Variants in LRPAP1 observed in about 807,000 individuals in gnomAD.
The protein encoded by LRPAP1 is alpha-2-macroglobulin receptor-associated protein.
Under a neutral mutation model 39.9 loss-of-function variants are expected in LRPAP1, and 41 were observed. The ratio of observed to expected loss-of-function variants is 1.03; its 90% CI spans 0.80 to 1.33. The LOEUF is 1.33. Ranked by LOEUF, LRPAP1 falls within the 40% of genes most tolerant of loss-of-function variation. The probability of loss-of-function intolerance (pLI) is 0.00; values close to 1 mark genes in which losing one functional copy is unlikely to be tolerated. For synonymous variants in LRPAP1, 263 were observed against 212.7 expected (o/e 1.24, Z -2.06); for missense variants, 565 against 482.3 (o/e 1.17, Z -1.61).
rs531943159 is a variant in LRPAP1 at position 3,505,719 on chromosome 4, C to G, written c.*7255G>C. ...ACCCCAAGACCGTCTATACCAGCTA[C>G]GCCAAGACCGTCTATACCAGCTACC... On this transcript the variant is annotated 3_prime_UTR_variant, in exon 8 of 8. Coordinates refer to ENST00000650182, the MANE Select transcript of LRPAP1 (RefSeq NM_002337.4). 6.6e-6 allele frequency among the ~76,000 whole-genome samples: 1 copy of G among 152,198 alleles called. No homozygotes were observed. Among genetic ancestry groups the G allele is most frequent in the African/African-American group, 2.4e-5 (1 of 41,472 alleles).
intron 5 of LRPAP1, 77 bp from the exon 6 acceptor site, chr4:3,516,275 A>T: frequency 8.8e-7 from 1 of 1,132,184 alleles, no homozygotes. Context: ...AACCACGCTG[A>T]GTGTGCGTGG....
At chr4:3,522,523 C>T (rs942030115) in intron 2 of LRPAP1, among the ~76,000 whole-genome samples, 1 of 151,506 alleles carries the variant, frequency 6.6e-6, no homozygotes, top group South Asian at 2.1e-4. Context: ...CTGGGGAGGA[C>T]GGACGTCATC....
chr4:3,514,611 G>T, intron 7 of LRPAP1, 141 bp downstream of exon 7: 1 of 1,124,964 alleles, frequency 8.9e-7, no homozygotes, highest in Non-Finnish European at 1.2e-6. Context: ...CACACTTGTG[G>T]CCCTGGGGTT....
rs1729812079 is a variant in LRPAP1 at position 3,518,802 on chromosome 4, A to G, written c.592+69T>C. 4 of 853,210 alleles carry G rather than the reference A, an allele frequency of 4.7e-6. No homozygotes were observed. In the Admixed American group the frequency reaches 1.0e-4, roughly 22 times the overall value. 52.9% of individuals were successfully genotyped at this position (853,210 alleles called of 1,614,324 possible). ...CTGCCCACTGAGCACAACGAGCCTC[A>G]GGTGCAGGAGGGGTGGGGGGCAGGA... On this transcript the variant is annotated intron_variant, in intron 4 of 7. Transcript: ENST00000650182.
At chr4:3,519,461 C>T (rs1415398835) in intron 3 of LRPAP1, among the ~76,000 whole-genome samples, 5 of 152,220 alleles carry the variant, frequency 3.3e-5, no homozygotes, top group South Asian at 4.1e-4. Context: ...CCCCTTCTAC[C>T]GACTCCATCT....
intron 1 of LRPAP1, among the ~76,000 whole-genome samples, chr4:3,530,810 G>C (rs1345415292): frequency 1.3e-5 from 2 of 152,214 alleles, no homozygotes; most frequent in Non-Finnish European, 2.9e-5. Context: ...GCCCTGCAGA[G>C]CAGGTGGAAG....
At chr4:3,526,388 T>G (rs1730079218) in intron 1 of LRPAP1, among the ~76,000 whole-genome samples, 1 of 152,254 alleles carries the variant, frequency 6.6e-6, no homozygotes, top group South Asian at 2.1e-4. Flanking sequence ...CTGTTTTCCC[T>G]TAGACGTTTG....
intron 5 of LRPAP1, among the ~76,000 whole-genome samples, chr4:3,517,158 T>A (rs1577205439): frequency 1.3e-5 from 2 of 151,872 alleles, no homozygotes; most frequent in South Asian, 4.2e-4. Context: ...GGAGCCTGGG[T>A]TTGGGGGTGG....
rs1053884111 is a variant in LRPAP1 at position 3,508,796 on chromosome 4, G to C, written c.*4178C>G. 1 of 152,198 alleles carries C rather than the reference G, an allele frequency of 6.6e-6. No homozygotes were observed. The highest frequency in any genetic ancestry group is 1.5e-5 in the Non-Finnish European group (1 of 68,034). The allele number at this position is 152,198 out of a possible 1,614,324, so 9.4% of individuals were successfully genotyped here. A position where few individuals can be genotyped will look rare whatever the true frequency, so the allele number is the denominator to read the frequency against. ...AATGAGGAAGCTCTTCTGCCTGTAA[G>C]TGCACCAGTGCAAACCCAACACTGA... On this transcript the variant is annotated 3_prime_UTR_variant, in exon 8 of 8. Coordinates refer to ENST00000650182, the MANE Select transcript of LRPAP1 (RefSeq NM_002337.4).
rs1400208710 is a variant in LRPAP1, at chr4:3,504,763, A to C, written c.*8211T>G. On this transcript the variant is annotated 3_prime_UTR_variant, in exon 8 of 8. Coordinates refer to ENST00000650182, the MANE Select transcript of LRPAP1 (RefSeq NM_002337.4). ...TCCATCTCAAAAAAAAAAAAAAAAA[A>C]ACCAAAAAACAAAACACACACACAC... Among the ~76,000 whole-genome samples the C allele has an allele frequency of 2.0e-5, 3 of 150,744 alleles. No individual in the cohort carries two copies. Among genetic ancestry groups the C allele is most frequent in the Admixed American group, 6.6e-5 (1 of 15,130 alleles).
intron 4 of LRPAP1, 145 bp from the exon 5 acceptor site, chr4:3,518,337 G>T: frequency 2.2e-6 from 2 of 890,034 alleles, no homozygotes; most frequent in African/African-American, 1.7e-5. Flanking sequence ...GTCCTGCAGC[G>T]CCGCAGAAAC....
At chr4:3,519,013 G>C in intron 3 of LRPAP1, 22 bp from the exon 4 acceptor site, 2 of 1,609,166 alleles carry the variant, frequency 1.2e-6, no homozygotes, top group South Asian at 1.1e-5. Context: ...ACAAGGCCTG[G>C]AGTGAACCCG....
At chr4:3,523,464 T>G (rs950161306) in intron 2 of LRPAP1, among the ~76,000 whole-genome samples, 1 of 152,180 alleles carries the variant, frequency 6.6e-6, no homozygotes, top group African/African-American at 2.4e-5. Context: ...CCCTCTGTCT[T>G]TAACCCGGGC....
Position 3,518,951 on chromosome 4 carries a change from T to C in LRPAP1, c.512A>G (p.Lys171Arg). The C allele has an allele frequency of 6.2e-7, 1 of 1,614,044 alleles. No individual in the cohort carries two copies. Among genetic ancestry groups the C allele is most frequent in the East Asian group, 2.2e-5 (1 of 44,856 alleles). Reference protein sequence around the residue: ...SGKFSGEELDKLWREFLHHKE... With the variant: ...SGKFSGEELDRLWREFLHHKE... ...GTGATGCAGGAACTCCCGCCAGAGC[T>C]TGTCCAGTTCTTCGCCGGAGAATTT... Residue 171 changes from lysine to arginine, a missense_variant, in exon 4 of 8, where the codon AAG (lysine) becomes AGG (arginine). By Grantham distance (26) the Lys-to-Arg change is conservative (BLOSUM62 2). Transcript: ENST00000650182.
chr4:3,523,761 TGAAA>T (rs1729993415), intron 2 of LRPAP1, among the ~76,000 whole-genome samples: 1 of 152,170 alleles, frequency 6.6e-6, no homozygotes, highest in African/African-American at 2.4e-5. Flanking sequence ...TCAGCGCGTG[TGAAA>T]AGCAGGGCTA....
At chr4:3,518,808 A>T in intron 4 of LRPAP1, 63 bp downstream of exon 4, 5 of 807,878 alleles carry the variant, frequency 6.2e-6, no homozygotes, top group Non-Finnish European at 8.2e-6. Flanking sequence ...CCTCAGGTGC[A>T]GGAGGGGTGG....
In LRPAP1 at chr4:3,511,017, C is replaced by A. The variant is rs949904142; in HGVS notation, c.*1957G>T. 1 of 152,308 alleles carries A rather than the reference C, an allele frequency of 6.6e-6. No homozygotes were observed. The highest frequency in any genetic ancestry group is 1.5e-5 in the Non-Finnish European group (1 of 68,056). 9.4% of individuals were successfully genotyped at this position (152,308 alleles called of 1,614,324 possible). The stretch of plus-strand genomic sequence containing the variant: ...CATGGTCTCCCACATACAAAAGAGG[C>A]CATTATACAGTAAGACACGCTACTC... On this transcript the variant is annotated 3_prime_UTR_variant, in exon 8 of 8. Transcript: ENST00000650182.
chr4:3,530,025 C>T (rs1005198080), intron 1 of LRPAP1, among the ~76,000 whole-genome samples: 6 of 152,144 alleles, frequency 3.9e-5, no homozygotes, highest in African/African-American at 1.4e-4. Flanking sequence ...TTCCAGGGGG[C>T]GATCCAAGAC....
rs745815802 is a variant in LRPAP1 at position 3,506,921 on chromosome 4, C to T, written c.*6053G>A. On this transcript the variant is annotated 3_prime_UTR_variant, in exon 8 of 8. Transcript: ENST00000650182. The stretch of plus-strand genomic sequence containing the variant: ...GACTCACACCTAGACCTGGGAATAA[C>T]GCTAAGACCAGGCTGGGTGTGGCGG... 2 of 152,226 alleles carry T rather than the reference C, an allele frequency of 1.3e-5. No individual in the cohort carries two copies. The highest frequency in any genetic ancestry group is 6.5e-5 in the Admixed American group (1 of 15,276). The allele number at this position is 152,226 out of a possible 1,614,324, so 9.4% of individuals were successfully genotyped here.
Sources: gnomAD v4.1 joint callset for allele counts (sites outside exome capture counted in the v4.1 genomes callset) on GRCh38, gnomAD v4.1.1 for gene constraint, MANE v1.5 for transcripts, NCBI Gene and HGNC (gene_info 2026-07-23, HGNC 2026-07-21) for gene names.